The following CREB3L4 variants were observed in gnomAD, a reference collection of about 807,000 sequenced individuals.
CREB3L4 encodes cyclic AMP-responsive element-binding protein 3-like protein 4.
CREB3L4 carries 28 observed loss-of-function variants against 37.0 expected under a neutral mutation model. That is an observed-to-expected ratio of 0.76 (90% CI 0.56 to 1.04). The LOEUF (loss-of-function observed/expected upper bound fraction) is 1.04, where lower values mean the gene tolerates loss of function less well. Ranked by LOEUF, CREB3L4 falls within the 50% of genes least tolerant of loss-of-function variation. The pLI, the probability that CREB3L4 is intolerant of heterozygous loss-of-function variation, is 0.00. For synonymous variants in CREB3L4, 175 were observed against 192.2 expected (o/e 0.91, Z 0.74); for missense variants, 462 against 486.0 (o/e 0.95, Z 0.46).
intron 3 of CREB3L4, 77 bp downstream of exon 3, chr1:153,969,253 A>G: frequency 6.2e-7 from 1 of 1,613,964 alleles, no homozygotes; most frequent in Non-Finnish European, 8.5e-7. Context: ...GGTTTACCCA[A>G]CCTGTGCCAC....
intron 2 of CREB3L4, 37 bp from the exon 3 acceptor site, chr1:153,968,893 C>G (rs1648049312): frequency 6.4e-7 from 1 of 1,560,344 alleles, no homozygotes; most frequent in Admixed American, 1.9e-5. Context: ...TTCCAAAATT[C>G]TTCCCTGCAC....
Position 153,973,091 on chromosome 1 carries a change from T to A in CREB3L4, c.743+13T>A, listed in dbSNP as rs1259460855. 6.2e-7 allele frequency: 1 copy of A among 1,613,810 alleles called. No homozygotes were observed. Among genetic ancestry groups the A allele is most frequent in the South Asian group, 1.1e-5 (1 of 91,070 alleles). On this transcript the variant is annotated intron_variant, in intron 6 of 9. Coordinates refer to ENST00000368607, the MANE Select transcript of CREB3L4 (RefSeq NM_001255978.2). ...GGCTGGAGAGCAGGTACGCCTGGGT[T>A]ATTTCTGGCTTCTTGTGGGCCATGT...
chr1:153,967,696 A>G (rs1166151514), upstream of CREB3L4: 1 of 152,242 alleles, frequency 6.6e-6, no homozygotes, highest in Non-Finnish European at 1.5e-5. Flanking sequence ...CTGCGGCCCC[A>G]TTGGCCTGAC....
rs753187134 is a variant in CREB3L4, at chr1:153,968,651, A to G, written c.126A>G (p.Leu42=). The change falls in exon 2 of 10, where the codon CTA becomes CTG. Residue 42 remains leucine, a synonymous_variant. Transcript: ENST00000368607. ...CTCCAGAGGTTCCGGTAACTAGGCTACAGGAACAGGGACTGCAAGGCTGGA... is the reference window on the plus strand; with the variant it reads ...CTCCAGAGGTTCCGGTAACTAGGCTGCAGGAACAGGGACTGCAAGGCTGGA... ...CPPPEVPVTR[L]QEQGLQGWKS... is the part of the protein sequence containing the mutation. 4.3e-6 allele frequency: 7 copies of G among 1,613,984 alleles called. No homozygotes were observed. Among genetic ancestry groups the G allele is most frequent in the Non-Finnish European group, 5.9e-6 (7 of 1,179,996 alleles).
At chr1:153,967,855 G>C, upstream of CREB3L4, 1 of 152,142 alleles carries the variant, frequency 6.6e-6, no homozygotes, top group African/African-American at 2.4e-5. Context: ...GCCACGCGGT[G>C]GGCGAGGGGA....
Position 153,973,874 on chromosome 1 carries a change from A to G in CREB3L4, c.997A>G (p.Thr333Ala). 1 of 1,613,940 alleles carries G rather than the reference A, an allele frequency of 6.2e-7. No individual in the cohort carries two copies. Among genetic ancestry groups the G allele is most frequent in the Non-Finnish European group, 8.5e-7 (1 of 1,179,874 alleles). The change falls in exon 10 of 10, where the codon ACT becomes GCT. Residue 333 changes from threonine to alanine, a missense_variant and splice_region_variant. Coordinates refer to ENST00000368607, the MANE Select transcript of CREB3L4 (RefSeq NM_001255978.2). ...GSEDYQPHGV[T>A]SRNILTHKDV... Reference sequence around the variant, plus strand: ...GCCCTCTTGCCTTCACCTCACAGTGACTTCCAGAAATATCCTGACCCACAA... The same window carrying G: ...GCCCTCTTGCCTTCACCTCACAGTGGCTTCCAGAAATATCCTGACCCACAA...
intron 3 of CREB3L4, 32 bp from the exon 4 acceptor site, chr1:153,969,302 C>T (rs759948314): frequency 1.2e-6 from 2 of 1,614,230 alleles, no homozygotes; most frequent in Non-Finnish European, 1.7e-6. Flanking sequence ...TCCTAAGTCT[C>T]CTTTCTCCCA....
At chr1:153,968,418 C>CGGGGGGGGGG (rs1647973780) in intron 1 of CREB3L4, 104 bp from the exon 2 acceptor site, 1 of 901,780 alleles carries the variant, frequency 1.1e-6, no homozygotes, top group Non-Finnish European at 1.6e-6. Flanking sequence ...AGTGGGGGGG[C>CGGGGGGGGGG]GGGGATAATG....
At chr1:153,968,791 GACC>G (rs1469041982) in intron 2 of CREB3L4, 92 bp downstream of exon 2, 4 of 1,557,002 alleles carry the variant, frequency 2.6e-6, no homozygotes, top group Non-Finnish European at 3.5e-6. Flanking sequence ...TCTGAAAACA[GACC>G]ACCCCCAAAA....
intron 7 of CREB3L4, 24 bp from the exon 8 acceptor site, chr1:153,973,352 TACTA>T: frequency 6.2e-7 from 1 of 1,613,146 alleles, no homozygotes; most frequent in Non-Finnish European, 8.5e-7. Context: ...ACCCAGATGA[TACTA>T]ACTCTTCATT....
chr1:153,968,206 G>T (rs1270203824), intron 1 of CREB3L4, 42 bp downstream of exon 1: 2 of 212,716 alleles, frequency 9.4e-6, no homozygotes, highest in Non-Finnish European at 1.9e-5. Flanking sequence ...GGCGGGGTTT[G>T]GCTGGCAGGT....
chr1:153,969,145 G>A lies in CREB3L4; in HGVS notation c.390G>A (p.Gly130=). The A allele has an allele frequency of 1.2e-6, 2 of 1,614,168 alleles. No individual in the cohort carries two copies. The highest frequency in any genetic ancestry group is 1.7e-6 in the Non-Finnish European group (2 of 1,180,028). The change falls in exon 3 of 10, where the codon GGG becomes GGA. Residue 130 remains glycine (G), a synonymous_variant. Coordinates refer to ENST00000368607, the MANE Select transcript of CREB3L4 (RefSeq NM_001255978.2). The stretch of plus-strand genomic sequence containing the variant: ...TGGAGAGGATGCAGGGGGAAACTGG[G>A]CCAAATGTAGGCCTTATCTCCATCC... ...GALERMQGET[G]PNVGLISIQL... is the part of the protein sequence containing the mutation.
At chr1:153,968,277 T>G in intron 1 of CREB3L4, 113 bp downstream of exon 1, 2 of 411,662 alleles carry the variant, frequency 4.9e-6, no homozygotes, top group East Asian at 4.2e-5. Context: ...CAACGGGCTA[T>G]GCTGGCTTGA....
intron 4 of CREB3L4, 81 bp downstream of exon 4, chr1:153,969,536 G>C (rs1648138443): frequency 2.0e-6 from 3 of 1,518,552 alleles, no homozygotes; most frequent in African/African-American, 2.8e-5. Context: ...TGAGGGAATG[G>C]AAACTGATGA....
rs779251744 is a variant in CREB3L4 at position 153,968,711 on chromosome 1, G to A, written c.174+12G>A. 12 of 1,613,278 alleles carry A rather than the reference G, an allele frequency of 7.4e-6. No individual in the cohort carries two copies. Among genetic ancestry groups the A allele is most frequent in the South Asian group, 2.2e-5 (2 of 91,056 alleles). ...GGGACCGTGGCTGTGTGAGTGTGAC[G>A]AGTGGGAGTGGGGGTGGGGTTGAGA... On this transcript the variant is annotated intron_variant, in intron 2 of 9. Transcript: ENST00000368607.
chr1:153,973,800 A>T, intron 9 of CREB3L4, 72 bp from the exon 10 acceptor site: 1 of 1,563,610 alleles, frequency 6.4e-7, no homozygotes, highest in African/African-American at 1.4e-5. Context: ...AGCAAGAGGG[A>T]GGTCCTGTCC....
intron 1 of CREB3L4, 77 bp downstream of exon 1, chr1:153,968,241 A>G (rs1339704121): frequency 1.2e-5 from 3 of 257,516 alleles, no homozygotes; most frequent in South Asian, 8.8e-5. Context: ...CCTGGAAGAA[A>G]GAAAAGGTGT....
intron 1 of CREB3L4, 147 bp from the exon 2 acceptor site, chr1:153,968,375 G>A (rs940988699): frequency 1.5e-6 from 1 of 648,952 alleles, no homozygotes; most frequent in Admixed American, 2.9e-5. Context: ...AAATATCGAG[G>A]GGACAGGTGA....
chr1:153,972,661 A>G lies in CREB3L4; in HGVS notation c.544-83A>G, dbSNP rs575659588. ...AGTGAGGAAACACTCTCCAGAAGGCATGTGGGGGGAGTAGCCTGGGTGCTG... is the reference window on the plus strand; with the variant it reads ...AGTGAGGAAACACTCTCCAGAAGGCGTGTGGGGGGAGTAGCCTGGGTGCTG... On this transcript the variant is annotated intron_variant, in intron 4 of 9. Transcript: ENST00000368607. 10 of 1,063,218 alleles carry G rather than the reference A, an allele frequency of 9.4e-6. No homozygotes were observed. In the East Asian group the frequency reaches 2.4e-4, roughly 26 times the overall value. The allele number at this position is 1,063,218 out of a possible 1,614,324, so 65.9% of individuals were successfully genotyped here.
Sources: allele counts gnomAD v4.1 joint callset, GRCh38; gene constraint gnomAD v4.1.1; transcripts MANE v1.5; gene names NCBI Gene and HGNC (gene_info 2026-07-23, HGNC 2026-07-21).